The following TRMT11 variants were observed in gnomAD, a reference collection of about 807,000 sequenced individuals.
TRMT11 encodes the protein tRNA methyltransferase 11.
Under a neutral mutation model 62.8 loss-of-function variants are expected in TRMT11, and 53 were observed. The ratio of observed to expected loss-of-function variants is 0.84; its 90% CI spans 0.68 to 1.06. TRMT11 has a LOEUF of 1.06. Ranked by LOEUF, TRMT11 falls within the 50% of genes least tolerant of loss-of-function variation. The pLI is 0.00. For synonymous variants in TRMT11, 188 were observed against 190.3 expected, an observed-to-expected ratio of 0.99 and a Z score of 0.10; for missense variants, 556 against 553.4, an observed-to-expected ratio of 1.00 and a Z score of -0.05.
chr6:126,154,858 C>G (rs1260730870), intron 21 of TRMT11, among the ~76,000 whole-genome samples: 2 of 152,176 alleles, frequency 1.3e-5, no homozygotes, highest in African/African-American at 4.8e-5. Flanking sequence ...CTACTAATTT[C>G]TATAACTGAT....
chr6:126,139,635 C>G (rs1777891976), intron 21 of TRMT11, among the ~76,000 whole-genome samples: 1 of 152,120 alleles, frequency 6.6e-6, no homozygotes, highest in South Asian at 2.1e-4. Context: ...TCCCAAAGTG[C>G]TGGGATTACA....
chr6:126,101,842 C>T (rs1202870840), intron 17 of TRMT11, among the ~76,000 whole-genome samples: 1 of 152,128 alleles, frequency 6.6e-6, no homozygotes, highest in Non-Finnish European at 1.5e-5. Flanking sequence ...AGCCAGATGC[C>T]AATTGTCTGT....
At chr6:126,230,049 C>T in the TRMT11 span, among the ~76,000 whole-genome samples, 1 of 152,056 alleles carries the variant, frequency 6.6e-6, no homozygotes, top group Non-Finnish European at 1.5e-5. Context: ...CATGCTGGAC[C>T]GCCATTAGCT....
intron 21 of TRMT11, among the ~76,000 whole-genome samples, chr6:126,127,626 G>A (rs997590010): frequency 2.0e-5 from 3 of 151,326 alleles, no homozygotes; most frequent in African/African-American, 4.9e-5. Flanking sequence ...TTAACATTAG[G>A]TATATCTCCT....
chr6:126,230,100 G>A, the TRMT11 span, among the ~76,000 whole-genome samples: 32 of 152,274 alleles, frequency 2.1e-4, no homozygotes, highest in African/African-American at 6.7e-4. Flanking sequence ...AAGGAGAGAC[G>A]TGGAACCAGT....
intron 17 of TRMT11, among the ~76,000 whole-genome samples, chr6:126,059,024 C>G (rs546590593): frequency 6.6e-6 from 1 of 151,306 alleles, no homozygotes; most frequent in South Asian, 2.1e-4. Flanking sequence ...CTCCTTGCAC[C>G]TCTTCTCTCT....
chr6:126,240,605 G>A, the TRMT11 span, among the ~76,000 whole-genome samples: 1 of 152,192 alleles, frequency 6.6e-6, no homozygotes, highest in Non-Finnish European at 1.5e-5. Flanking sequence ...CGTGTGAGGT[G>A]TCAGTCTGCC....
chr6:126,116,039 T>A (rs2128191666), intron 21 of TRMT11, among the ~76,000 whole-genome samples: 1 of 151,722 alleles, frequency 6.6e-6, no homozygotes, highest in African/African-American at 2.4e-5. Context: ...TTTTTTAATT[T>A]TCAATGCTTG....
At chr6:126,074,256 C>T (rs1310873730) in intron 17 of TRMT11, among the ~76,000 whole-genome samples, 1 of 152,130 alleles carries the variant, frequency 6.6e-6, no homozygotes, top group African/African-American at 2.4e-5. Context: ...ATGCCTTCTC[C>T]AACTCCTGTA....
the TRMT11 span, among the ~76,000 whole-genome samples, chr6:126,224,172 C>T: frequency 7.9e-5 from 12 of 152,314 alleles, no homozygotes; most frequent in African/African-American, 2.6e-4. Flanking sequence ...TGGTTAAGAA[C>T]CATTGCTGGA....
the TRMT11 span, among the ~76,000 whole-genome samples, chr6:126,258,888 C>T: frequency 1.7e-4 from 26 of 151,962 alleles, no homozygotes; most frequent in African/African-American, 6.3e-4. Flanking sequence ...ATAAACGTGT[C>T]ATGGGGATTT....
At chr6:126,206,709 A>G (rs1311908146), downstream of TRMT11, among the ~76,000 whole-genome samples, 1 of 152,210 alleles carries the variant, frequency 6.6e-6, no homozygotes, top group Non-Finnish European at 1.5e-5. Context: ...TCTGTGATAA[A>G]GGATTGACTT....
intron 17 of TRMT11, among the ~76,000 whole-genome samples, chr6:126,069,976 A>G (rs879348952): frequency 1.3e-5 from 2 of 152,004 alleles, no homozygotes; most frequent in Non-Finnish European, 1.5e-5. Context: ...CTACTTTCCA[A>G]CTGGTCTCCC....
chr6:126,221,973 G>T, the TRMT11 span, among the ~76,000 whole-genome samples: 2 of 152,120 alleles, frequency 1.3e-5, no homozygotes, highest in African/African-American at 4.8e-5. Context: ...AATTAATCTT[G>T]AGATGATTTT....
chr6:126,240,920 C>T, the TRMT11 span, among the ~76,000 whole-genome samples: 1 of 152,372 alleles, frequency 6.6e-6, no homozygotes, highest in South Asian at 2.1e-4. Context: ...GGGCACCCCT[C>T]CCCCAGCCTC....
chr6:126,008,483 A>G lies in TRMT11; in HGVS notation c.760+11A>G. 1 of 1,605,968 alleles carries G rather than the reference A, an allele frequency of 6.2e-7. No homozygotes were observed. Among genetic ancestry groups the G allele is most frequent in the Non-Finnish European group, 8.5e-7 (1 of 1,172,838 alleles). ...CAGTTCATGGCTTGGGTGAGTAGAG[A>G]TTATAGACAGTATTATAGTCATTGC... is the stretch of plus-strand genomic sequence containing the variant. On this transcript the variant is annotated intron_variant, in intron 8 of 12. Transcript: ENST00000334379.
At chr6:126,156,575 G>C (rs1307851578) in intron 21 of TRMT11, among the ~76,000 whole-genome samples, 2 of 152,116 alleles carry the variant, frequency 1.3e-5, no homozygotes, top group Admixed American at 1.3e-4. Flanking sequence ...ACCAGAGACT[G>C]GGTCATTTAT....
intron 17 of TRMT11, among the ~76,000 whole-genome samples, chr6:126,080,862 T>C (rs1418577674): frequency 6.6e-6 from 1 of 152,170 alleles, no homozygotes; most frequent in African/African-American, 2.4e-5. Flanking sequence ...GGAATAGACA[T>C]ACTTGGCAAC....
the TRMT11 span, among the ~76,000 whole-genome samples, chr6:126,238,801 G>C: frequency 2.7e-3 from 408 of 152,294 alleles, 5 homozygotes; most frequent in African/African-American, 9.1e-3. Flanking sequence ...ATCCAATGTT[G>C]ACAGTGGGGT....
Sources: gnomAD v4.1 joint callset for allele counts (sites outside exome capture counted in the v4.1 genomes callset) on GRCh38, gnomAD v4.1.1 for gene constraint, MANE v1.5 for transcripts, NCBI Gene and HGNC (gene_info 2026-07-23, HGNC 2026-07-21) for gene names.